Variants in ELAVL4 observed in about 807,000 individuals in gnomAD.
ELAVL4 encodes the protein ELAV-like protein 4.
ELAVL4 carries 1 observed loss-of-function variant against 35.6 expected under a neutral mutation model. The ratio of observed to expected loss-of-function variants is 0.03; its 90% confidence interval spans 0.01 to 0.13. The LOEUF (loss-of-function observed/expected upper bound fraction) is 0.13, where lower values mean the gene tolerates loss of function less well. Ranked by LOEUF, ELAVL4 falls within the 10% of genes least tolerant of loss-of-function variation. The probability of loss-of-function intolerance (pLI) is 1.00; values close to 1 mark genes in which losing one functional copy is unlikely to be tolerated. For synonymous variants in ELAVL4, 156 were observed against 171.0 expected (o/e 0.91, Z 0.69); for missense variants, 267 against 464.9 (o/e 0.57, Z 3.91).
intron 1 of ELAVL4, among the ~76,000 whole-genome samples, chr1:50,134,416 A>T (rs1477388572): frequency 1.3e-5 from 2 of 152,322 alleles, no homozygotes; most frequent in Non-Finnish European, 2.9e-5. Context: ...TGTATTTCCC[A>T]TCACAACTGG....
At chr1:50,074,680 G>T (rs978400018) in intron 1 of ELAVL4, among the ~76,000 whole-genome samples, 7 of 152,216 alleles carry the variant, frequency 4.6e-5, no homozygotes, top group Non-Finnish European at 7.3e-5. Context: ...CTTGGGAAAA[G>T]AGGGGTCATG....
intron 1 of ELAVL4, among the ~76,000 whole-genome samples, chr1:50,068,198 G>T (rs1664355036): frequency 6.6e-6 from 1 of 152,150 alleles, no homozygotes; most frequent in Non-Finnish European, 1.5e-5. Context: ...GGTGGTCAGG[G>T]ATATGTAGAG....
chr1:50,131,380 A>G (rs1002686034), intron 1 of ELAVL4, among the ~76,000 whole-genome samples: 2 of 152,160 alleles, frequency 1.3e-5, no homozygotes, highest in African/African-American at 4.8e-5. Context: ...GCATATTTTG[A>G]AAAGGCAAAA....
chr1:50,131,995 C>G (rs929860103), intron 1 of ELAVL4, among the ~76,000 whole-genome samples: 1 of 151,720 alleles, frequency 6.6e-6, no homozygotes, highest in African/African-American at 2.4e-5. Flanking sequence ...AAAGCAAACC[C>G]ATCATGCAGA....
intron 2 of ELAVL4, among the ~76,000 whole-genome samples, chr1:50,158,309 G>A (rs558226139): frequency 4.6e-5 from 7 of 152,212 alleles, no homozygotes; most frequent in South Asian, 2.1e-4. Context: ...TGGCAAAGTC[G>A]AACCAATGTT....
intron 1 of ELAVL4, among the ~76,000 whole-genome samples, chr1:50,132,267 CAGAACAG>C (rs906017760): frequency 6.6e-6 from 1 of 152,244 alleles, no homozygotes; most frequent in African/African-American, 2.4e-5. Flanking sequence ...AGATGGAGCA[CAGAACAG>C]AGATCAGGGA....
At chr1:50,137,770 G>A (rs1025919485) in intron 1 of ELAVL4, among the ~76,000 whole-genome samples, 1 of 152,096 alleles carries the variant, frequency 6.6e-6, no homozygotes, top group African/African-American at 2.4e-5. Flanking sequence ...GGTTTGGGAA[G>A]GAAGGAAAGG....
intron 1 of ELAVL4, among the ~76,000 whole-genome samples, chr1:50,135,631 G>C (rs1278634641): frequency 6.6e-6 from 1 of 152,124 alleles, no homozygotes; most frequent in Non-Finnish European, 1.5e-5. Flanking sequence ...GAATACACTT[G>C]TTTTAAGGAT....
intron 1 of ELAVL4, among the ~76,000 whole-genome samples, chr1:50,075,432 G>A (rs1214827123): frequency 1.3e-5 from 2 of 152,176 alleles, no homozygotes; most frequent in Non-Finnish European, 2.9e-5. Context: ...ACAAAGATGT[G>A]ATGTATTTTT....
upstream of ELAVL4, among the ~76,000 whole-genome samples, chr1:50,099,880 G>A (rs184517576): frequency 1.1e-4 from 16 of 152,218 alleles, no homozygotes; most frequent in Admixed American, 7.8e-4. Context: ...ATCACCTGGT[G>A]GCAGAATACA....
intron 1 of ELAVL4, among the ~76,000 whole-genome samples, chr1:50,053,804 T>C (rs917060758): frequency 6.6e-6 from 1 of 152,216 alleles, no homozygotes; most frequent in African/African-American, 2.4e-5. Flanking sequence ...ATAGAGCACG[T>C]TAGACAGTTA....
intron 3 of ELAVL4, among the ~76,000 whole-genome samples, chr1:50,186,307 G>T (rs988516620): frequency 6.6e-6 from 1 of 150,948 alleles, no homozygotes; most frequent in Non-Finnish European, 1.5e-5. Flanking sequence ...ATTTTTTTTT[G>T]AGCTCTTGCC....
intron 1 of ELAVL4, among the ~76,000 whole-genome samples, chr1:50,121,527 T>C (rs963066393): frequency 6.6e-6 from 1 of 152,120 alleles, no homozygotes; most frequent in Non-Finnish European, 1.5e-5. Context: ...TGAGTTGTGA[T>C]ATGAAGCTGT....
At chr1:50,076,791 G>A (rs1341587101) in intron 1 of ELAVL4, among the ~76,000 whole-genome samples, 1 of 152,112 alleles carries the variant, frequency 6.6e-6, no homozygotes, top group African/African-American at 2.4e-5. Context: ...TTATTTAGGG[G>A]TATAATGCCT....
At chr1:50,106,526 C>G (rs1666326377), upstream of ELAVL4, 2 of 657,594 alleles carry the variant, frequency 3.0e-6, no homozygotes, top group Non-Finnish European at 5.3e-6. Flanking sequence ...TCATGCATGA[C>G]TGGGAGACTC....
At chr1:50,109,809 C>A in intron 1 of ELAVL4, 1 of 1,080,680 alleles carries the variant, frequency 9.3e-7, no homozygotes, top group South Asian at 1.4e-5. Context: ...GTATGTGTAG[C>A]AGTGCCTGGC....
At chr1:50,144,817 G>T (rs759179094) in intron 1 of ELAVL4, 140 bp from the exon 2 acceptor site, 1 of 1,272,424 alleles carries the variant, frequency 7.9e-7, no homozygotes, top group Non-Finnish European at 1.1e-6. Context: ...TTCTAAATTG[G>T]CTGTGTTCAC....
At chr1:50,159,649 T>G (rs1033829380) in intron 2 of ELAVL4, among the ~76,000 whole-genome samples, 5 of 152,060 alleles carry the variant, frequency 3.3e-5, no homozygotes, top group South Asian at 4.2e-4. Context: ...TTATCAGTAC[T>G]TCTCTGAACC....
At chr1:50,122,602 C>T (rs1381092721) in intron 1 of ELAVL4, among the ~76,000 whole-genome samples, 1 of 152,072 alleles carries the variant, frequency 6.6e-6, no homozygotes, top group Admixed American at 6.6e-5. Flanking sequence ...TTTTGGAGCT[C>T]CTAAAACTGG....
Sources: gnomAD v4.1 joint callset for allele counts (sites outside exome capture counted in the v4.1 genomes callset) on GRCh38, gnomAD v4.1.1 for gene constraint, MANE v1.5 for transcripts, NCBI Gene and HGNC (gene_info 2026-07-23, HGNC 2026-07-21) for gene names.